Variants in RAB3A observed in about 807,000 individuals in gnomAD.
RAB3A encodes RAB3A, member RAS oncogene family, also known as ras-related protein Rab-3A.
RAB3A carries 5 observed loss-of-function variants against 19.7 expected under a neutral mutation model. The ratio of observed to expected loss-of-function variants is 0.25; its 90% CI spans 0.13 to 0.53. The LOEUF (loss-of-function observed/expected upper bound fraction) is 0.53, where lower values mean the gene tolerates loss of function less well. RAB3A is among the 20% of genes least tolerant of loss of function. The pLI is 0.95. For synonymous variants in RAB3A, 119 were observed against 122.1 expected, an observed-to-expected ratio of 0.97 and a Z score of 0.17; for missense variants, 189 against 305.6, an observed-to-expected ratio of 0.62 and a Z score of 2.85.
rs796798350 is a variant in RAB3A at position 18,201,253 on chromosome 19, A to C, written c.229-808T>G. Among the ~76,000 whole-genome samples the C allele has an allele frequency of 4.1e-4, 44 of 107,548 alleles. No individual in the cohort carries two copies. The South Asian group carries it at 0.01, about 25-fold the overall frequency. The allele number at this position is 107,548 out of a possible 152,430, so 70.6% of individuals were successfully genotyped here. Reference sequence around the variant, plus strand: ...TCCGTCTCAAAACAATAACAACAAAAAAAAAAAAAAAAAGAAAGAAAGAAA... The same window carrying C: ...TCCGTCTCAAAACAATAACAACAAACAAAAAAAAAAAAAGAAAGAAAGAAA... On this transcript the variant is annotated intron_variant, in intron 2 of 4. Transcript: ENST00000222256.
Position 18,197,195 on chromosome 19 carries a change from G to T in RAB3A, c.*275C>A, listed in dbSNP as rs1967540770. ...AGGCGGGGGGGGGGGGTTCAGGAGG[G>T]TGAGCGGTGAGTTCACGGGGCCACG... On this transcript the variant is annotated 3_prime_UTR_variant, in exon 5 of 5. Transcript: ENST00000222256. 1 of 406,388 alleles carries T rather than the reference G, an allele frequency of 2.5e-6. No individual in the cohort carries two copies. The highest frequency in any genetic ancestry group is 4.3e-6 in the Non-Finnish European group (1 of 229,984). The allele number at this position is 406,388 out of a possible 1,614,324, so 25.2% of individuals were successfully genotyped here. A position where few individuals can be genotyped will look rare whatever the true frequency, so the allele number is the denominator to read the frequency against.
chr19:18,197,242 A>C lies in RAB3A; in HGVS notation c.*228T>G. ...CACGAGACACCACAGCTGAGTGGGGAAAGGGCTATATGTACAGGAGGGGCA... is the reference window on the plus strand; with the variant it reads ...CACGAGACACCACAGCTGAGTGGGGCAAGGGCTATATGTACAGGAGGGGCA... On this transcript the variant is annotated 3_prime_UTR_variant, in exon 5 of 5. Coordinates refer to ENST00000222256, the MANE Select transcript of RAB3A (RefSeq NM_002866.5). The C allele has an allele frequency of 2.1e-6, 1 of 480,266 alleles. No homozygotes were observed. Among genetic ancestry groups the C allele is most frequent in the Non-Finnish European group, 3.6e-6 (1 of 275,008 alleles). 29.8% of individuals were successfully genotyped at this position (480,266 alleles called of 1,614,324 possible).
At position 18,200,392 on chromosome 19, in the gene RAB3A, G is replaced by T. The variant is rs776171538; in HGVS notation, c.282C>A (p.Gly94=). 1 of 1,614,036 alleles carries T rather than the reference G, an allele frequency of 6.2e-7. No homozygotes were observed. The highest frequency in any genetic ancestry group is 1.7e-5 in the Admixed American group (1 of 60,000). The stretch of plus-strand genomic sequence containing the variant: ...CATACATGAGGATGAAGCCCATAGC[G>T]CCCCGGTAGTATGCGGTGGTGATGG... The part of the protein sequence containing the change: ...YRTITTAYYR[G]AMGFILMYDI... The change falls in exon 3 of 5, where the codon GGC becomes GGA. Residue 94 remains glycine, a synonymous_variant. Coordinates refer to ENST00000222256, the MANE Select transcript of RAB3A (RefSeq NM_002866.5).
intron 4 of RAB3A, among the ~76,000 whole-genome samples, chr19:18,197,911 C>A (rs1221792177): frequency 6.2e-5 from 8 of 129,376 alleles, no homozygotes; most frequent in African/African-American, 2.3e-4. Flanking sequence ...CAGGGCCTTG[C>A]TCTGCTGCCC....
chr19:18,200,180 G>C (rs952927866), intron 3 of RAB3A, 147 bp downstream of exon 3: 1 of 570,210 alleles, frequency 1.8e-6, no homozygotes, highest in Non-Finnish European at 3.0e-6. Context: ...CTACTTGGGA[G>C]GCTGAGGCAG....
At chr19:18,203,086 G>A (rs1031325186) in intron 1 of RAB3A, among the ~76,000 whole-genome samples, 36 of 152,330 alleles carry the variant, frequency 2.4e-4, no homozygotes, top group African/African-American at 8.2e-4. Context: ...AATCTTTCAT[G>A]GTCCTCAGAA....
At chr19:18,203,700 G>T (rs1186163454) in intron 1 of RAB3A, among the ~76,000 whole-genome samples, 196 bp downstream of exon 1, 1 of 152,226 alleles carries the variant, frequency 6.6e-6, no homozygotes, top group Non-Finnish European at 1.5e-5. Context: ...GAGCAGGGGG[G>T]TTGGGGGGGT....
intron 2 of RAB3A, among the ~76,000 whole-genome samples, chr19:18,200,850 G>A (rs1967598745): frequency 6.6e-6 from 1 of 152,080 alleles, no homozygotes; most frequent in Non-Finnish European, 1.5e-5. Context: ...TGAGAGGGTT[G>A]CTTGAGCCCA....
intron 2 of RAB3A, among the ~76,000 whole-genome samples, chr19:18,201,923 G>A (rs78199045): frequency 6.6e-6 from 1 of 151,976 alleles, no homozygotes; most frequent in South Asian, 2.1e-4. Context: ...GGGCAACAGA[G>A]TGAGACTCTG....
chr19:18,203,283 A>AGTGT (rs1254961114), intron 1 of RAB3A, among the ~76,000 whole-genome samples: 1 of 152,212 alleles, frequency 6.6e-6, no homozygotes. Flanking sequence ...TACATACAGG[A>AGTGT]GTGTGTGAAC....
chr19:18,197,357 C>A lies in RAB3A; in HGVS notation c.*113G>T. The A allele has an allele frequency of 1.1e-6, 1 of 947,254 alleles. No homozygotes were observed. Among genetic ancestry groups the A allele is most frequent in the East Asian group, 2.7e-5 (1 of 37,616 alleles). 58.7% of individuals were successfully genotyped at this position (947,254 alleles called of 1,614,324 possible). A position where few individuals can be genotyped will look rare whatever the true frequency, so the allele number is the denominator to read the frequency against. On this transcript the variant is annotated 3_prime_UTR_variant, in exon 5 of 5. Coordinates refer to ENST00000222256, the MANE Select transcript of RAB3A (RefSeq NM_002866.5). The stretch of plus-strand genomic sequence containing the variant: ...TACAATAATAAATAAGGGTGACGGG[C>A]TAAGTCAGGAGCAGGGGTCTTGTGC...
intron 2 of RAB3A, among the ~76,000 whole-genome samples, chr19:18,200,945 CAG>C (rs1349374944): frequency 2.1e-4 from 32 of 149,822 alleles, no homozygotes; most frequent in Middle Eastern, 7.0e-3. Flanking sequence ...AAAAAACAAA[CAG>C]GGGGTCGGGT....
chr19:18,200,628 A>G (rs1967595495), intron 2 of RAB3A, among the ~76,000 whole-genome samples, 183 bp from the exon 3 acceptor site: 1 of 152,036 alleles, frequency 6.6e-6, no homozygotes, highest in African/African-American at 2.4e-5. Context: ...CCATTATTCC[A>G]CAGAGTCATT....
Position 18,202,474 on chromosome 19 carries a change from C to T in RAB3A, c.228+39G>A, listed in dbSNP as rs1967626005. ...GGGCTGCTTTTCCAAGTACGGGAAT[C>T]CAACCGAGCCGGGCGGGAGCCCTCC... On this transcript the variant is annotated intron_variant, in intron 2 of 4. Coordinates refer to ENST00000222256, the MANE Select transcript of RAB3A (RefSeq NM_002866.5). The surrounding 1 kb of genome is among the most constrained non-coding windows in gnomAD (Gnocchi z 4.2). 1 of 1,581,580 alleles carries T rather than the reference C, an allele frequency of 6.3e-7. No homozygotes were observed. Among genetic ancestry groups the T allele is most frequent in the East Asian group, 2.2e-5 (1 of 44,574 alleles).
intron 3 of RAB3A, 37 bp downstream of exon 3, chr19:18,200,290 A>G (rs772649788): frequency 6.6e-7 from 1 of 1,521,032 alleles, no homozygotes; most frequent in South Asian, 1.2e-5. Flanking sequence ...CTCAAAGAAA[A>G]GAAAAGAAAA....
At chr19:18,198,363 G>T (rs929881340) in intron 4 of RAB3A, among the ~76,000 whole-genome samples, 1 of 152,038 alleles carries the variant, frequency 6.6e-6, no homozygotes, top group African/African-American at 2.4e-5. Context: ...TATTTCCTCT[G>T]CCTGAAAGAC....
intron 4 of RAB3A, 38 bp from the exon 5 acceptor site, chr19:18,197,698 C>T (rs8109807): frequency 0.32 from 490,293 of 1,537,270 alleles, 80,858 homozygotes; most frequent in Non-Finnish European, 0.34. Context: ...ACCCTGGCCA[C>T]GCCCTATGCC....
Position 18,202,285 on chromosome 19 carries a change from C to T in RAB3A, c.228+228G>A, listed in dbSNP as rs1049736435. 1.4e-5 allele frequency: 7 copies of T among 513,216 alleles called. No homozygotes were observed. Among genetic ancestry groups the T allele is most frequent in the African/African-American group, 9.6e-5 (5 of 52,052 alleles). The allele number at this position is 513,216 out of a possible 1,614,324, so 31.8% of individuals were successfully genotyped here. On this transcript the variant is annotated intron_variant, in intron 2 of 4. Transcript: ENST00000222256. This position sits in a 1 kb window ranked among gnomAD's most constrained non-coding sequence, Gnocchi z 4.2. Reference sequence around the variant, plus strand: ...GGGGACCAAGATCCAGCTGAAACCTCATACATGGAAGAACTTGAAGATGGG... The same window carrying T: ...GGGGACCAAGATCCAGCTGAAACCTTATACATGGAAGAACTTGAAGATGGG...
chr19:18,203,766 C>G (rs532059782), intron 1 of RAB3A, 130 bp downstream of exon 1: 3 of 152,790 alleles, frequency 2.0e-5, no homozygotes, highest in Admixed American at 6.5e-5. Context: ...TTCCCAGCCT[C>G]GCGACCGCCG....
Sources: gnomAD v4.1 joint callset for allele counts (sites outside exome capture counted in the v4.1 genomes callset) on GRCh38, gnomAD v4.1.1 for gene constraint, Gnocchi (gnomAD v3.1) non-coding constraint, MANE v1.5 for transcripts, NCBI Gene and HGNC (gene_info 2026-07-23, HGNC 2026-07-21) for gene names.